Variants in NUMB observed in about 807,000 individuals in gnomAD.
NUMB encodes the protein protein numb homolog.
In NUMB, 29 loss-of-function variants were observed where a neutral mutation model predicts 59.7. That is an observed-to-expected ratio of 0.49 (90% CI 0.36 to 0.66). The LOEUF (loss-of-function observed/expected upper bound fraction) is 0.66. Ranked by LOEUF, NUMB falls within the 30% of genes least tolerant of loss-of-function variation. The pLI is 0.00. For synonymous variants in NUMB, 288 were observed against 288.2 expected (o/e 1.00, Z 0.01); for missense variants, 723 against 822.0 (o/e 0.88, Z 1.47).
chr14:73,280,686 ATTTTTTTT>A (rs397852698), intron 11 of NUMB, among the ~76,000 whole-genome samples: 3 of 87,722 alleles, frequency 3.4e-5, no homozygotes, highest in Non-Finnish European at 6.2e-5. Flanking sequence ...TGTTGGTACT[ATTTTTTTT>A]TTTTTTTTTT....
rs1566783227 is a variant in NUMB, at chr14:73,406,098, T to TTTTA, written c.-101+3838_-101+3839insTAAA. Reference sequence around the variant, plus strand: ...AGAATATTAACATATTTTTGTTTTTTTTTTTTTTTATTATACTTTAAGTTC... The same window carrying TTTTA: ...AGAATATTAACATATTTTTGTTTTTTTTTATTTTTTTTTATTATACTTTAAGTTC... On this transcript the variant is annotated intron_variant, in intron 2 of 12. Coordinates refer to ENST00000555238, the MANE Select transcript of NUMB (RefSeq NM_001005743.2). Among the ~76,000 whole-genome samples, 3 of 151,242 alleles carry TTTTA rather than the reference T, an allele frequency of 2.0e-5. No individual in the cohort carries two copies. In the East Asian group the frequency reaches 5.8e-4, roughly 29 times the overall value.
intron 1 of NUMB, among the ~76,000 whole-genome samples, chr14:73,416,861 C>T (rs532596209): frequency 2.0e-5 from 3 of 151,842 alleles, no homozygotes; most frequent in African/African-American, 7.3e-5. Flanking sequence ...TAAATGGGAA[C>T]AAGCATTCCT....
At chr14:73,412,820 G>A (rs1348519924) in intron 1 of NUMB, among the ~76,000 whole-genome samples, 3 of 151,642 alleles carry the variant, frequency 2.0e-5, no homozygotes, top group Non-Finnish European at 4.4e-5. Flanking sequence ...TTTATAAGCA[G>A]GGTCTTGTCA....
At chr14:73,318,671 TTC>T (rs1311936543) in intron 5 of NUMB, among the ~76,000 whole-genome samples, 2 of 152,234 alleles carry the variant, frequency 1.3e-5, no homozygotes, top group African/African-American at 4.8e-5. Context: ...CAATAGTGAT[TTC>T]TGTCATTTAT....
intron 1 of NUMB, among the ~76,000 whole-genome samples, chr14:73,427,265 G>A (rs369666175): frequency 2.6e-5 from 4 of 152,004 alleles, no homozygotes; most frequent in South Asian, 4.1e-4. Context: ...GATCACCTGA[G>A]GTCAGAGACC....
intron 4 of NUMB, among the ~76,000 whole-genome samples, chr14:73,349,769 C>T (rs1408357592): frequency 1.3e-5 from 2 of 151,818 alleles, no homozygotes; most frequent in African/African-American, 4.8e-5. Flanking sequence ...GTCCCAGCTA[C>T]TTGGGAGGCT....
At chr14:73,309,141 C>T (rs1373166926) in intron 6 of NUMB, among the ~76,000 whole-genome samples, 1 of 152,116 alleles carries the variant, frequency 6.6e-6, no homozygotes, top group East Asian at 1.9e-4. Context: ...GAGTTGGCCT[C>T]TGTGAGGAAC....
chr14:73,441,876 A>T (rs1163591824), intron 1 of NUMB, among the ~76,000 whole-genome samples: 2 of 152,090 alleles, frequency 1.3e-5, no homozygotes, highest in African/African-American at 4.8e-5. Context: ...CTGTCTCAAA[A>T]CAACAATAAA....
intron 8 of NUMB, among the ~76,000 whole-genome samples, chr14:73,290,398 T>TC (rs1174198030): frequency 1.3e-5 from 2 of 152,234 alleles, no homozygotes; most frequent in African/African-American, 4.8e-5. Flanking sequence ...AACCACTTTC[T>TC]CCATTTATAG....
intron 1 of NUMB, among the ~76,000 whole-genome samples, chr14:73,434,472 T>C (rs1032481263): frequency 4.6e-5 from 7 of 152,210 alleles, no homozygotes; most frequent in African/African-American, 7.2e-5. Context: ...TACTAGGCTA[T>C]CAGTTCTCAC....
chr14:73,376,026 T>C (rs559210068), intron 2 of NUMB, among the ~76,000 whole-genome samples: 1 of 152,338 alleles, frequency 6.6e-6, no homozygotes. Flanking sequence ...CCTCCCATCA[T>C]TCCTTTTCAA....
intron 2 of NUMB, among the ~76,000 whole-genome samples, chr14:73,383,253 G>T (rs1303745302): frequency 6.6e-6 from 1 of 152,136 alleles, no homozygotes; most frequent in Non-Finnish European, 1.5e-5. Context: ...CAGGAAAATA[G>T]AGGACAAGAT....
At chr14:73,366,588 AT>A (rs1894356342) in intron 3 of NUMB, among the ~76,000 whole-genome samples, 1 of 152,166 alleles carries the variant, frequency 6.6e-6, no homozygotes, top group South Asian at 2.1e-4. Context: ...AGGAAAACTG[AT>A]GTATGGAAAA....
At chr14:73,309,985 CA>C (rs1282432154) in intron 6 of NUMB, among the ~76,000 whole-genome samples, 1 of 151,950 alleles carries the variant, frequency 6.6e-6, no homozygotes, top group African/African-American at 2.4e-5. Context: ...TGCCATTTAG[CA>C]ATTGTAAAAA....
intron 6 of NUMB, among the ~76,000 whole-genome samples, chr14:73,299,721 A>G (rs949667019): frequency 9.2e-5 from 14 of 152,124 alleles, no homozygotes; most frequent in African/African-American, 3.4e-4. Flanking sequence ...GAAAGGCAAG[A>G]AGAGTCTACA....
At chr14:73,413,672 C>T (rs551487500) in intron 1 of NUMB, among the ~76,000 whole-genome samples, 3 of 152,006 alleles carry the variant, frequency 2.0e-5, no homozygotes, top group East Asian at 4.0e-4. Context: ...GCATAAGAAT[C>T]GCTTGAACCC....
intron 2 of NUMB, among the ~76,000 whole-genome samples, chr14:73,380,725 T>TC: frequency 3.5e-5 from 1 of 28,596 alleles, no homozygotes; most frequent in East Asian, 3.4e-3. Context: ...CATCAATTAG[T>TC]TTTTTTTTTT....
chr14:73,407,584 T>TGG (rs1896726634), intron 2 of NUMB, among the ~76,000 whole-genome samples: 2 of 152,254 alleles, frequency 1.3e-5, no homozygotes, highest in Admixed American at 1.3e-4. Context: ...ACACACTAGG[T>TGG]GGTTCAGTTA....
At chr14:73,298,520 G>A (rs1210378322) in intron 6 of NUMB, 1 of 152,194 alleles carries the variant, frequency 6.6e-6, no homozygotes, top group African/African-American at 2.4e-5. Context: ...AATTCCTCCT[G>A]TGATGGAATG....
Sources: gnomAD v4.1 joint callset for allele counts (sites outside exome capture counted in the v4.1 genomes callset) on GRCh38, gnomAD v4.1.1 for gene constraint, MANE v1.5 for transcripts, NCBI Gene and HGNC (gene_info 2026-07-23, HGNC 2026-07-21) for gene names.